Variants in SLC35F1 observed in about 807,000 individuals in gnomAD.
SLC35F1 encodes solute carrier family 35 member F1.
SLC35F1 carries 14 observed loss-of-function variants against 48.7 expected under a neutral mutation model. The ratio of observed to expected loss-of-function variants is 0.29; its 90% CI spans 0.19 to 0.45. The LOEUF (loss-of-function observed/expected upper bound fraction) is 0.45, where lower values mean the gene tolerates loss of function less well. Among genes scored for constraint, SLC35F1 ranks in the 20% least tolerant of loss-of-function variants. SLC35F1 has a pLI of 1.00. For missense variants in SLC35F1, 404 were observed against 500.0 expected, an observed-to-expected ratio of 0.81 and a Z score of 1.83; for synonymous variants, 190 against 202.2, an observed-to-expected ratio of 0.94 and a Z score of 0.51.
intron 1 of SLC35F1, among the ~76,000 whole-genome samples, chr6:117,947,029 GGTAT>G (rs1776304124): frequency 2.6e-5 from 4 of 152,206 alleles, no homozygotes. Flanking sequence ...ACAATAATAA[GGTAT>G]GTATGTAAAA....
rs73766465 is a variant in SLC35F1 at position 118,197,932 on chromosome 6, G to T, written c.350-37577G>T. On this transcript the variant is annotated intron_variant, in intron 2 of 7. Transcript: ENST00000360388. ...TGCTTTAAATTTAAGGCCTCTTTTGGGTCCTAAAATCTGTAAGTTGTTTGC... is the reference window on the plus strand; with the variant it reads ...TGCTTTAAATTTAAGGCCTCTTTTGTGTCCTAAAATCTGTAAGTTGTTTGC... 9.5e-3 allele frequency among the ~76,000 whole-genome samples: 1,439 copies of T among 152,060 alleles called. 26 individuals carry two copies. Among genetic ancestry groups the T allele is most frequent in the African/African-American group, 0.033 (1,385 of 41,480 alleles).
intron 2 of SLC35F1, among the ~76,000 whole-genome samples, chr6:118,168,008 T>C (rs955473820): frequency 6.6e-6 from 1 of 152,162 alleles, no homozygotes. Flanking sequence ...CTAGAATCAA[T>C]AGTTTGCTGT....
chr6:117,923,651 G>A (rs62432057), intron 1 of SLC35F1, among the ~76,000 whole-genome samples: 13,660 of 17,400 alleles, frequency 0.79, 5,890 homozygotes, highest in South Asian at 0.88. Flanking sequence ...ATGTACATAT[G>A]TACATATGTA....
At chr6:117,966,067 C>T (rs1047928296) in intron 1 of SLC35F1, among the ~76,000 whole-genome samples, 1 of 147,772 alleles carries the variant, frequency 6.8e-6, no homozygotes, top group African/African-American at 2.5e-5. Flanking sequence ...AATCAGCTCT[C>T]TGTAAAATGG....
intron 1 of SLC35F1, among the ~76,000 whole-genome samples, chr6:118,100,502 C>T (rs1045941104): frequency 1.3e-5 from 2 of 152,112 alleles, no homozygotes; most frequent in African/African-American, 4.8e-5. Context: ...CAGGAAAGTG[C>T]TATTCTTGAT....
intron 2 of SLC35F1, among the ~76,000 whole-genome samples, chr6:118,164,930 G>A (rs1774295872): frequency 6.6e-6 from 1 of 152,116 alleles, no homozygotes; most frequent in South Asian, 2.1e-4. Context: ...TATTATACTA[G>A]CCCATGACTA....
At chr6:118,178,474 C>A (rs1774525488) in intron 2 of SLC35F1, among the ~76,000 whole-genome samples, 1 of 152,028 alleles carries the variant, frequency 6.6e-6, no homozygotes, top group Admixed American at 6.6e-5. Flanking sequence ...AAGTGAATAT[C>A]AGCATATTTT....
At chr6:118,258,964 G>C (rs866849311) in intron 3 of SLC35F1, among the ~76,000 whole-genome samples, 11 of 151,912 alleles carry the variant, frequency 7.2e-5, no homozygotes, top group South Asian at 2.1e-4. Flanking sequence ...CTACTTCGCT[G>C]ATTTGGGGAG....
At chr6:118,203,308 T>A (rs1774894099) in intron 2 of SLC35F1, among the ~76,000 whole-genome samples, 1 of 152,184 alleles carries the variant, frequency 6.6e-6, no homozygotes, top group South Asian at 2.1e-4. Flanking sequence ...CAGGGTCCTT[T>A]TAAGTATTAG....
At position 118,053,098 on chromosome 6, in the gene SLC35F1, G is replaced by A. The variant is rs1772414365; in HGVS notation, c.174-101347G>A. ...CATTTTGAAAAAAAAAAATTATCTG[G>A]TAAGGAAATTTACCTAAAGGAGAAG... On this transcript the variant is annotated intron_variant, in intron 1 of 7. Transcript: ENST00000360388. Among the ~76,000 whole-genome samples, 2 of 152,092 alleles carry A rather than the reference G, an allele frequency of 1.3e-5. 1 individual carries two copies. The highest frequency in any genetic ancestry group is 4.2e-4 in the South Asian group (2 of 4,812).
At chr6:118,128,283 C>G (rs1253454090) in intron 1 of SLC35F1, among the ~76,000 whole-genome samples, 21 of 146,378 alleles carry the variant, frequency 1.4e-4, no homozygotes, top group African/African-American at 5.3e-4. Flanking sequence ...ACTAGAAATA[C>G]CATTTGACCC....
At chr6:118,131,900 T>C (rs959412652) in intron 1 of SLC35F1, among the ~76,000 whole-genome samples, 5 of 152,132 alleles carry the variant, frequency 3.3e-5, no homozygotes, top group Non-Finnish European at 5.9e-5. Flanking sequence ...GTGATCTTTT[T>C]TTTCTTAAAC....
rs1338477804 is a variant in SLC35F1, at chr6:117,923,608, C to CATATATGTACATATGTGCAT, written c.173+15714_173+15715insTGTACATATGTGCATATATA. On this transcript the variant is annotated intron_variant, in intron 1 of 7. Coordinates refer to ENST00000360388, the MANE Select transcript of SLC35F1 (RefSeq NM_001029858.4). ...GTATATATACATATGTGTATATATA[C>CATATATGTACATATGTGCAT]ATATACATATGTATATATACATATA... 4.1e-3 allele frequency among the ~76,000 whole-genome samples: 107 copies of CATATATGTACATATGTGCAT among 26,082 alleles called. 31 individuals are homozygous for CATATATGTACATATGTGCAT. Among genetic ancestry groups the CATATATGTACATATGTGCAT allele is most frequent in the African/African-American group, 0.021 (102 of 4,854 alleles). The allele number at this position is 26,082 out of a possible 152,430, so 17.1% of individuals were successfully genotyped here.
chr6:118,108,483 T>C (rs1328346306), intron 1 of SLC35F1, among the ~76,000 whole-genome samples: 1 of 152,190 alleles, frequency 6.6e-6, no homozygotes, highest in Non-Finnish European at 1.5e-5. Context: ...ATGGGGAAAG[T>C]CAGAAATTTC....
intron 3 of SLC35F1, among the ~76,000 whole-genome samples, chr6:118,245,660 A>G (rs1313676856): frequency 6.6e-6 from 1 of 151,602 alleles, no homozygotes; most frequent in Admixed American, 6.6e-5. Flanking sequence ...ACTGTTCCCC[A>G]CCTCCCAGCC....
chr6:118,300,508 A>G (rs1644537850), intron 7 of SLC35F1, among the ~76,000 whole-genome samples: 1 of 152,222 alleles, frequency 6.6e-6, no homozygotes, highest in Non-Finnish European at 1.5e-5. Flanking sequence ...TTATAATCAC[A>G]AAACAATAAA....
intron 7 of SLC35F1, among the ~76,000 whole-genome samples, chr6:118,301,471 G>A (rs1776254165): frequency 6.6e-6 from 1 of 152,206 alleles, no homozygotes; most frequent in South Asian, 2.1e-4. Flanking sequence ...CATCATAACT[G>A]TATGCAGTGT....
intron 1 of SLC35F1, among the ~76,000 whole-genome samples, chr6:118,051,277 A>C (rs76494264): frequency 0.017 from 2,618 of 152,228 alleles, 76 homozygotes; most frequent in African/African-American, 0.059. Flanking sequence ...AAAGAAGCTC[A>C]AAGTGTATTT....
At chr6:118,313,072 G>A (rs1776389776) in intron 7 of SLC35F1, among the ~76,000 whole-genome samples, 1 of 152,060 alleles carries the variant, frequency 6.6e-6, no homozygotes, top group Non-Finnish European at 1.5e-5. Context: ...TAAATGGTAG[G>A]CATCAACATA....
Sources: allele counts gnomAD v4.1 joint callset (sites outside exome capture counted in the v4.1 genomes callset), GRCh38; gene constraint gnomAD v4.1.1; transcripts MANE v1.5; gene names NCBI Gene and HGNC (gene_info 2026-07-23, HGNC 2026-07-21).